CFAP251: variants seen among roughly 807,000 people sequenced by gnomAD.
The protein encoded by CFAP251 is cilia- and flagella-associated protein 251.
Under a neutral mutation model 126.7 loss-of-function variants are expected in CFAP251, and 93 were observed. The ratio of observed to expected loss-of-function variants is 0.73; its 90% CI spans 0.62 to 0.87. The LOEUF is 0.87. CFAP251 is among the 40% of genes least tolerant of loss of function. The pLI is 0.00. For missense variants in CFAP251, 1,287 were observed against 1,389.2 expected, an observed-to-expected ratio of 0.93 and a Z score of 1.17; for synonymous variants, 503 against 506.9, an observed-to-expected ratio of 0.99 and a Z score of 0.10.
intron 19 of CFAP251, among the ~76,000 whole-genome samples, chr12:121,981,450 A>C (rs976785227): frequency 6.6e-6 from 1 of 152,024 alleles, no homozygotes; most frequent in African/African-American, 2.4e-5. Context: ...CACACCCCAC[A>C]CTCCTGCATA....
intron 19 of CFAP251, among the ~76,000 whole-genome samples, chr12:121,976,256 G>A (rs1167797333): frequency 2.6e-5 from 4 of 151,974 alleles, no homozygotes; most frequent in South Asian, 2.1e-4. Context: ...TGATCTGCCC[G>A]CCTCGGCCTC....
At chr12:121,949,705 A>G (rs961644175) in intron 8 of CFAP251, 3 of 152,116 alleles carry the variant, frequency 2.0e-5, no homozygotes, top group African/African-American at 7.2e-5. Flanking sequence ...CAACATAACA[A>G]GACCTCATCT....
In CFAP251 at chr12:121,923,740, C is replaced by T. The variant is rs778389751; in HGVS notation, c.497C>T (p.Pro166Leu). The T allele has an allele frequency of 1.9e-6, 3 of 1,614,146 alleles. No individual in the cohort carries two copies. The highest frequency in any genetic ancestry group is 1.7e-6 in the Non-Finnish European group (2 of 1,180,036). ...IEFLDLDQISPEEQQISSPER... is the reference protein window; with the variant it reads ...IEFLDLDQISLEEQQISSPER... ...TTTCTTGATTTGGATCAAATCAGTCCTGAGGAACAACAGATTAGTTCCCCT... is the reference window on the plus strand; with the variant it reads ...TTTCTTGATTTGGATCAAATCAGTCTTGAGGAACAACAGATTAGTTCCCCT... Residue 166 changes from proline to leucine, a missense_variant, in exon 3 of 22, where the codon CCT becomes CTT. Coordinates refer to ENST00000288912, the MANE Select transcript of CFAP251 (RefSeq NM_144668.6).
At chr12:121,931,499 G>T (rs991178409) in intron 3 of CFAP251, among the ~76,000 whole-genome samples, 2 of 152,094 alleles carry the variant, frequency 1.3e-5, no homozygotes, top group African/African-American at 4.8e-5. Context: ...TTCTAATAGA[G>T]ACAGGATTTC....
intron 17 of CFAP251, chr12:121,968,881 G>A: frequency 1.0e-6 from 1 of 985,268 alleles, no homozygotes. Context: ...TCTTCTTCCT[G>A]TAAGGGCATT....
In CFAP251 at chr12:121,999,963, A is replaced by T. The variant is rs1266660392; in HGVS notation, c.3235+19A>T. 1 of 1,593,348 alleles carries T rather than the reference A, an allele frequency of 6.3e-7. No individual in the cohort carries two copies. Among genetic ancestry groups the T allele is most frequent in the Non-Finnish European group, 8.6e-7 (1 of 1,162,244 alleles). Reference sequence around the variant, plus strand: ...ACTAAAGGTAAGCACATACATCAGGATGTCTGGTAACATCCTGGGGCCATT... The same window carrying T: ...ACTAAAGGTAAGCACATACATCAGGTTGTCTGGTAACATCCTGGGGCCATT... On this transcript the variant is annotated intron_variant, in intron 20 of 21. Coordinates refer to ENST00000288912, the MANE Select transcript of CFAP251 (RefSeq NM_144668.6).
intron 3 of CFAP251, among the ~76,000 whole-genome samples, chr12:121,926,818 C>G (rs1880437954): frequency 6.6e-6 from 1 of 152,136 alleles, no homozygotes. Context: ...TGGTGCATGC[C>G]TGTAATCCCA....
Position 121,985,041 on chromosome 12 carries a change from C to T in CFAP251, c.3006+9356C>T, listed in dbSNP as rs1436827098. Among the ~76,000 whole-genome samples, 6 of 152,322 alleles carry T rather than the reference C, an allele frequency of 3.9e-5. No individual in the cohort carries two copies. The East Asian group carries it at 1.2e-3, about 29-fold the overall frequency. On this transcript the variant is annotated intron_variant, in intron 19 of 21. Coordinates refer to ENST00000288912, the MANE Select transcript of CFAP251 (RefSeq NM_144668.6). ...GACAGCAGAGACAGTGAGGAAGACA[C>T]AATCCCTGACATTATTATTTGATCT... is the stretch of plus-strand genomic sequence containing the variant.
chr12:121,993,763 C>G (rs1269368983), intron 19 of CFAP251, among the ~76,000 whole-genome samples: 1 of 150,794 alleles, frequency 6.6e-6, no homozygotes, highest in Admixed American at 6.6e-5. Context: ...AGGAGCCCCT[C>G]TGCCCGGCCA....
intron 10 of CFAP251, among the ~76,000 whole-genome samples, chr12:121,955,030 C>T (rs544170844): frequency 3.5e-4 from 53 of 152,248 alleles, no homozygotes; most frequent in African/African-American, 8.7e-4. Flanking sequence ...CAGCTGGGAG[C>T]GGTGGCTCAC....
At position 121,942,557 on chromosome 12, in the gene CFAP251, A is replaced by G; in HGVS notation, c.1022A>G (p.Asp341Gly). 6.2e-7 allele frequency: 1 copy of G among 1,613,764 alleles called. No homozygotes were observed. The change falls in exon 6 of 22, where the codon GAC becomes GGC. Residue 341 changes from aspartate (D) to glycine (G), a missense_variant. Transcript: ENST00000288912. Reference protein sequence around the residue: ...FTGIPVHTIFDSCPEGNGIMA... With the variant: ...FTGIPVHTIFGSCPEGNGIMA... The stretch of plus-strand genomic sequence containing the variant: ...AGTATTCCTGTGCACACAATATTTG[A>G]CAGCTGCCCTGAAGGGAATGGCATC...
At chr12:121,962,229 G>A in intron 15 of CFAP251, 67 bp downstream of exon 15, 2 of 1,503,806 alleles carry the variant, frequency 1.3e-6, no homozygotes, top group Non-Finnish European at 1.8e-6. Context: ...CCTGTTTCAG[G>A]TCTCCACATA....
At chr12:121,992,109 A>C in intron 19 of CFAP251, 3 of 659,586 alleles carry the variant, frequency 4.5e-6, no homozygotes, top group Non-Finnish European at 3.8e-6. Context: ...ATCAAAGGCC[A>C]GGCTGACTGA....
intron 19 of CFAP251, among the ~76,000 whole-genome samples, chr12:121,986,744 A>G (rs962133598): frequency 2.6e-5 from 4 of 151,278 alleles, no homozygotes; most frequent in African/African-American, 9.7e-5. Flanking sequence ...AGTATGGGCA[A>G]CACAGTGAGA....
In CFAP251 at chr12:121,975,400, A is replaced by G. The variant is rs2135799267; in HGVS notation, c.2862+66A>G. The G allele has an allele frequency of 1.9e-6, 3 of 1,572,126 alleles. 1 individual carries two copies. The highest frequency in any genetic ancestry group is 2.2e-5 in the South Asian group (2 of 89,174). ...TTAAGTTTGTAAAGCAAATGTGCCC[A>G]GGGTTAACCTTGCTTTATTCCAAAG... is the stretch of plus-strand genomic sequence containing the variant. On this transcript the variant is annotated intron_variant, in intron 18 of 21. Coordinates refer to ENST00000288912, the MANE Select transcript of CFAP251 (RefSeq NM_144668.6).
intron 19 of CFAP251, among the ~76,000 whole-genome samples, chr12:121,992,062 G>C (rs1882887708): frequency 6.6e-6 from 1 of 152,194 alleles, no homozygotes; most frequent in Non-Finnish European, 1.5e-5. Context: ...CCAGGTGAAT[G>C]GAATAAAGCC....
Position 121,966,849 on chromosome 12 carries a change from G to T in CFAP251, c.2493-106G>T, listed in dbSNP as rs903182147. 1.7e-4 allele frequency: 167 copies of T among 971,056 alleles called. No individual in the cohort carries two copies. The African/African-American group carries it at 2.4e-3, about 14-fold the overall frequency. 60.2% of individuals were successfully genotyped at this position (971,056 alleles called of 1,614,324 possible). ...TCCGCCTGCCTTGGCCTCCCGAAGT[G>T]CTGGGATTACAGGTGTGAGCCACTG... On this transcript the variant is annotated intron_variant, in intron 15 of 21. Coordinates refer to ENST00000288912, the MANE Select transcript of CFAP251 (RefSeq NM_144668.6).
At chr12:121,949,754 T>C (rs1279990478) in intron 8 of CFAP251, 1 of 152,168 alleles carries the variant, frequency 6.6e-6, no homozygotes, top group Non-Finnish European at 1.5e-5. Flanking sequence ...CAGTGCATGG[T>C]GATGCATGCC....
chr12:121,996,108 G>A (rs1883016783), intron 19 of CFAP251, among the ~76,000 whole-genome samples: 1 of 152,158 alleles, frequency 6.6e-6, no homozygotes, highest in Non-Finnish European at 1.5e-5. Context: ...CTGAATTTTT[G>A]TTCCACATTT....
Sources: gnomAD v4.1 joint callset for allele counts (sites outside exome capture counted in the v4.1 genomes callset) on GRCh38, gnomAD v4.1.1 for gene constraint, MANE v1.5 for transcripts, NCBI Gene and HGNC (gene_info 2026-07-23, HGNC 2026-07-21) for gene names.